Variants in EMC2 observed in about 807,000 individuals in gnomAD.
The protein encoded by EMC2 is ER membrane protein complex subunit 2, also known as TPR repeat protein 35.
In EMC2, 37 loss-of-function variants were observed where a neutral mutation model predicts 51.6. That is an observed-to-expected ratio of 0.72 (90% CI 0.55 to 0.94). EMC2 has a LOEUF of 0.94. Ranked by LOEUF, EMC2 falls within the 40% of genes least tolerant of loss-of-function variation. The probability of loss-of-function intolerance (pLI) is 0.00; values close to 1 mark genes in which losing one functional copy is unlikely to be tolerated. For synonymous variants in EMC2, 131 were observed against 112.4 expected (o/e 1.17, Z -1.04); for missense variants, 359 against 350.9 (o/e 1.02, Z -0.18).
At chr8:108,484,350 T>A (rs1794452231) in intron 10 of EMC2, among the ~76,000 whole-genome samples, 1 of 152,080 alleles carries the variant, frequency 6.6e-6, no homozygotes, top group Non-Finnish European at 1.5e-5. Context: ...TCAGATTAAA[T>A]TTGAAGTGAT....
intron 5 of EMC2, among the ~76,000 whole-genome samples, chr8:108,457,645 A>C (rs1265242683): frequency 2.0e-5 from 3 of 152,062 alleles, no homozygotes; most frequent in Admixed American, 1.3e-4. Context: ...TCACTATCAC[A>C]AGAACAGTGC....
In EMC2 at chr8:108,457,267, A is replaced by G. The variant is rs534708437; in HGVS notation, c.363+1337A>G. On this transcript the variant is annotated intron_variant, in intron 5 of 10. Transcript: ENST00000220853. ...GGGAGATTTTCTGTGGAAATTCCCTAGGGTTTTTGTTTTTCTTTTTGAGTG... is the reference window on the plus strand; with the variant it reads ...GGGAGATTTTCTGTGGAAATTCCCTGGGGTTTTTGTTTTTCTTTTTGAGTG... 4.6e-5 allele frequency among the ~76,000 whole-genome samples: 7 copies of G among 151,686 alleles called. No individual in the cohort carries two copies. The East Asian group carries it at 1.2e-3, about 25-fold the overall frequency.
At position 108,481,421 on chromosome 8, in the gene EMC2, CAG is replaced by C. The variant is rs200551607; in HGVS notation, c.807+2314_807+2315del. ...CTCAGATCTGTAATGGAGTTCCACA[CAG>C]AGTAGGCTTGGGGGTGTGTGGGTGT... On this transcript the variant is annotated intron_variant, in intron 10 of 10. Coordinates refer to ENST00000220853, the MANE Select transcript of EMC2 (RefSeq NM_014673.5). Among the ~76,000 whole-genome samples, 818 of 151,738 alleles carry C rather than the reference CAG, an allele frequency of 5.4e-3. 11 individuals carry two copies. Among genetic ancestry groups the C allele is most frequent in the African/African-American group, 0.019 (783 of 41,370 alleles).
intron 7 of EMC2, among the ~76,000 whole-genome samples, chr8:108,471,848 A>C (rs1420483607): frequency 1.3e-5 from 2 of 151,922 alleles, no homozygotes; most frequent in Non-Finnish European, 2.9e-5. Flanking sequence ...GGTTTTGATA[A>C]ATAGTTCCTG....
At chr8:108,456,290 G>A (rs1042598296) in intron 5 of EMC2, among the ~76,000 whole-genome samples, 5 of 119,678 alleles carry the variant, frequency 4.2e-5, no homozygotes, top group Admixed American at 1.1e-4. Context: ...CTGAGATTAC[G>A]CCACTACACT....
At chr8:108,456,603 C>A (rs1323602571) in intron 5 of EMC2, among the ~76,000 whole-genome samples, 2 of 151,370 alleles carry the variant, frequency 1.3e-5, no homozygotes, top group African/African-American at 4.9e-5. Context: ...AGAAACATAC[C>A]CCTTTAATTT....
intron 1 of EMC2, among the ~76,000 whole-genome samples, chr8:108,446,862 G>T (rs115426910): frequency 2.6e-5 from 4 of 152,164 alleles, no homozygotes; most frequent in Non-Finnish European, 4.4e-5. Flanking sequence ...GGCAGGGTCA[G>T]CTATGTAAGG....
intron 1 of EMC2, among the ~76,000 whole-genome samples, chr8:108,448,113 A>G (rs1355395831): frequency 6.6e-6 from 1 of 152,128 alleles, no homozygotes; most frequent in African/African-American, 2.4e-5. Context: ...TCTAAGGGTA[A>G]TCAAAATCAA....
chr8:108,469,830 C>T lies in EMC2; in HGVS notation c.368C>T (p.Ala123Val). 1 of 1,613,004 alleles carries T rather than the reference C, an allele frequency of 6.2e-7. No homozygotes were observed. The highest frequency in any genetic ancestry group is 8.5e-7 in the Non-Finnish European group (1 of 1,179,216). Residue 123 changes from alanine to valine, a missense_variant, in exon 6 of 11, where the codon GCA (alanine) becomes GTA (valine). Physicochemically the swap from Ala to Val is moderately conservative, Grantham distance 64. Coordinates refer to ENST00000220853, the MANE Select transcript of EMC2 (RefSeq NM_014673.5). ...TTTATTAATGTCAACCCACAGGCTG[C>T]AAGAAAGCGTAAGATTGCCATTCGA... ...ILQEDPTNTA[A>V]RKRKIAIRKA... is the part of the protein sequence containing the mutation.
rs1185879443 is a variant in EMC2, at chr8:108,483,777, C to CT, written c.808-2734dup. 3.9e-5 allele frequency among the ~76,000 whole-genome samples: 6 copies of CT among 151,906 alleles called. No homozygotes were observed. In the East Asian group the frequency reaches 1.2e-3, roughly 29 times the overall value. On this transcript the variant is annotated intron_variant, in intron 10 of 10. Transcript: ENST00000220853. Reference sequence around the variant, plus strand: ...TATGAAAGATTTACTTAAGCAAAATCTAACTGTATGAAAACAAAAATACAG... The same window carrying CT: ...TATGAAAGATTTACTTAAGCAAAATCTTAACTGTATGAAAACAAAAATACAG...
chr8:108,469,863 AG>A lies in EMC2; in HGVS notation c.405del (p.Asn137MetfsTer8). Reference protein sequence around the residue: ...RKRKIAIRKAQGKNVEAIREL... With the variant: ...RKRKIAIRKAXGKNVEAIREL... ...CGTAAGATTGCCATTCGAAAAGCCCAGGGGAAAAATGTGGAGGCCATTCGGG... is the reference window on the plus strand; with the variant it reads ...CGTAAGATTGCCATTCGAAAAGCCCAGGGAAAAATGTGGAGGCCATTCGGG... On this transcript the variant is annotated frameshift_variant, in exon 6 of 11. Transcript: ENST00000220853. LOFTEE classifies it high-confidence loss of function. The A allele has an allele frequency of 6.2e-7, 1 of 1,613,614 alleles. No homozygotes were observed. Among genetic ancestry groups the A allele is most frequent in the Non-Finnish European group, 8.5e-7 (1 of 1,179,568 alleles).
At chr8:108,447,989 C>T (rs1315179509) in intron 1 of EMC2, among the ~76,000 whole-genome samples, 5 of 151,936 alleles carry the variant, frequency 3.3e-5, no homozygotes, top group South Asian at 2.1e-4. Flanking sequence ...ATGCTTTACA[C>T]GAATTTTCTA....
At position 108,470,133 on chromosome 8, in the gene EMC2, AAC is replaced by A. The variant is rs1810824691; in HGVS notation, c.509+18_509+19del. 1 of 1,596,844 alleles carries A rather than the reference AAC, an allele frequency of 6.3e-7. No individual in the cohort carries two copies. The highest frequency in any genetic ancestry group is 8.6e-7 in the Non-Finnish European group (1 of 1,165,360). ...ATCAATGAACATGAGTAAGTTATTA[AAC>A]ACACAACATTTTGTTGAGTGCAGTT... On this transcript the variant is annotated intron_variant, in intron 7 of 10. Transcript: ENST00000220853.
intron 1 of EMC2, among the ~76,000 whole-genome samples, chr8:108,449,257 CG>C (rs1381555757): frequency 1.4e-5 from 2 of 146,956 alleles, no homozygotes; most frequent in Non-Finnish European, 3.0e-5. Flanking sequence ...GGACCACAGG[CG>C]GGTGCCACCA....
At chr8:108,480,425 T>TA (rs1189063414) in intron 10 of EMC2, among the ~76,000 whole-genome samples, 1 of 152,100 alleles carries the variant, frequency 6.6e-6, no homozygotes, top group East Asian at 1.9e-4. Context: ...CCTTTTTTGC[T>TA]AAAGAGAATT....
chr8:108,464,258 T>C (rs909482512), intron 5 of EMC2: 3 of 152,240 alleles, frequency 2.0e-5, no homozygotes, highest in African/African-American at 4.8e-5. Context: ...AGGGTTCCTT[T>C]TGGTAAAACT....
chr8:108,451,179 G>A (rs1011525100), intron 3 of EMC2, among the ~76,000 whole-genome samples: 6 of 151,284 alleles, frequency 4.0e-5, no homozygotes, highest in African/African-American at 1.5e-4. Context: ...CTCCAGCCTG[G>A]GCAACAGAGC....
intron 5 of EMC2, among the ~76,000 whole-genome samples, chr8:108,463,196 A>G (rs943257054): frequency 3.9e-5 from 6 of 152,300 alleles, no homozygotes; most frequent in African/African-American, 1.4e-4. Context: ...TGATTAGGTA[A>G]ATATCATCAG....
chr8:108,452,454 C>T (rs1239026468), intron 3 of EMC2, among the ~76,000 whole-genome samples: 1 of 152,056 alleles, frequency 6.6e-6, no homozygotes, highest in East Asian at 1.9e-4. Flanking sequence ...GTAGTCCGAG[C>T]TACTTGGGAG....
Sources: allele counts gnomAD v4.1 joint callset (sites outside exome capture counted in the v4.1 genomes callset), GRCh38; gene constraint gnomAD v4.1.1; transcripts MANE v1.5; gene names NCBI Gene and HGNC (gene_info 2026-07-23, HGNC 2026-07-21).